Variants in SLC17A1 observed in about 807,000 individuals in gnomAD.
SLC17A1 encodes the protein sodium-dependent phosphate transport protein 1.
A neutral mutation model predicts 53.5 loss-of-function variants in SLC17A1; 51 were observed. The observed-to-expected ratio is 0.95, with a 90% CI of 0.76 to 1.20. The LOEUF (loss-of-function observed/expected upper bound fraction) is 1.20. SLC17A1 is among the 50% of genes most tolerant of loss of function. The pLI is 0.00. For synonymous variants in SLC17A1, 179 were observed against 198.8 expected (o/e 0.90, Z 0.84); for missense variants, 538 against 568.2 (o/e 0.95, Z 0.54).
chr6:25,776,727 G>T, the SLC17A1 span: 1 of 1,613,942 alleles, frequency 6.2e-7, no homozygotes, highest in South Asian at 1.1e-5. Flanking sequence ...CACTGCCATT[G>T]GTAAGGGAGA....
At chr6:25,732,434 G>T in the SLC17A1 span, 75,479 of 269,000 alleles carry the variant, frequency 0.28, 12,739 homozygotes, top group East Asian at 0.71. Context: ...ATAACTTTTA[G>T]TTTTGGGCTA....
At chr6:25,830,642 G>C (rs1764914239) in intron 1 of SLC17A1, 35 bp from the exon 2 acceptor site, 4 of 1,474,608 alleles carry the variant, frequency 2.7e-6, no homozygotes, top group Non-Finnish European at 3.8e-6. Flanking sequence ...TCAGCATAAT[G>C]TAGAGAGGCA....
chr6:25,795,808 A>T (rs997607469), intron 12 of SLC17A1, among the ~76,000 whole-genome samples: 22 of 152,208 alleles, frequency 1.4e-4, no homozygotes, highest in Non-Finnish European at 2.4e-4. Context: ...AATTAAAAGT[A>T]AAAATTATGG....
chr6:25,778,502 G>A (rs1763125151), downstream of SLC17A1, among the ~76,000 whole-genome samples: 1 of 152,086 alleles, frequency 6.6e-6, no homozygotes, highest in Non-Finnish European at 1.5e-5. Context: ...AACTGCTCTT[G>A]TTTCTCCTGT....
chr6:25,776,174 T>A, the SLC17A1 span, among the ~76,000 whole-genome samples: 3 of 152,150 alleles, frequency 2.0e-5, no homozygotes, highest in Admixed American at 2.0e-4. Flanking sequence ...TTTTTGCCAA[T>A]TTGATCCATG....
intron 3 of SLC17A1, among the ~76,000 whole-genome samples, chr6:25,820,927 A>G (rs766015332): frequency 6.6e-6 from 1 of 151,686 alleles, no homozygotes; most frequent in African/African-American, 2.4e-5. Flanking sequence ...AGAATGATAA[A>G]AGAAAATCCT....
At chr6:25,824,322 A>C (rs1378696437) in intron 3 of SLC17A1, among the ~76,000 whole-genome samples, 1 of 151,964 alleles carries the variant, frequency 6.6e-6, no homozygotes, top group Non-Finnish European at 1.5e-5. Flanking sequence ...TGCCATTATC[A>C]TGTGTATGCT....
In SLC17A1 at chr6:25,808,506, AT is replaced by A. The variant is rs369286202; in HGVS notation, c.1178+2891del. On this transcript the variant is annotated intron_variant, in intron 10 of 12. Coordinates refer to ENST00000244527, the MANE Select transcript of SLC17A1 (RefSeq NM_005074.5). ...TCCAAAAGCTATTGAAAAAAGAAGA[AT>A]TTTTTTTAAAAAAATTCAGAGTTAA... Among the ~76,000 whole-genome samples, 137 of 151,968 alleles carry A rather than the reference AT, an allele frequency of 9.0e-4. 1 individual carries two copies. The highest frequency in any genetic ancestry group is 7.9e-3 in the South Asian group (38 of 4,818).
the SLC17A1 span, among the ~76,000 whole-genome samples, chr6:25,775,016 A>T: frequency 4.6e-5 from 7 of 152,204 alleles, no homozygotes; most frequent in Non-Finnish European, 7.3e-5. Context: ...ACAAGGTTCA[A>T]CATTTTAAAA....
downstream of SLC17A1, among the ~76,000 whole-genome samples, chr6:25,781,712 GT>G (rs57097916): frequency 6.6e-6 from 1 of 152,028 alleles, no homozygotes; most frequent in African/African-American, 2.4e-5. Flanking sequence ...GAGGTGCCAG[GT>G]TTTTTTAAAA....
chr6:25,752,674 C>T, the SLC17A1 span, among the ~76,000 whole-genome samples: 8 of 152,186 alleles, frequency 5.3e-5, no homozygotes, highest in South Asian at 6.2e-4. Flanking sequence ...TTCTTTAGGC[C>T]GGGTGCGGTG....
the SLC17A1 span, among the ~76,000 whole-genome samples, chr6:25,737,609 G>T: frequency 6.6e-6 from 1 of 151,976 alleles, no homozygotes; most frequent in Non-Finnish European, 1.5e-5. Context: ...AACCCATTGG[G>T]TGGTTACAAC....
chr6:25,727,329 C>A, the SLC17A1 span: 25 of 1,531,364 alleles, frequency 1.6e-5, no homozygotes, highest in Non-Finnish European at 2.2e-5. Flanking sequence ...CCCAAAGGCT[C>A]TTTTCAGAGC....
the SLC17A1 span, chr6:25,771,088 C>T: frequency 1.9e-5 from 22 of 1,177,002 alleles, no homozygotes; most frequent in Non-Finnish European, 5.1e-6. Flanking sequence ...TTAACCAAAT[C>T]CTAATAGATA....
the SLC17A1 span, among the ~76,000 whole-genome samples, chr6:25,757,608 T>A: frequency 2.0e-5 from 3 of 152,102 alleles, no homozygotes; most frequent in Non-Finnish European, 4.4e-5. Flanking sequence ...ATTTGGTTGG[T>A]TTCTTGATCC....
chr6:25,804,079 C>A (rs1344769990), intron 10 of SLC17A1, among the ~76,000 whole-genome samples: 2 of 152,032 alleles, frequency 1.3e-5, no homozygotes, highest in African/African-American at 4.8e-5. Context: ...TGATTAATAT[C>A]ATTAATGATT....
At chr6:25,819,658 T>C (rs1219784413) in intron 4 of SLC17A1, 24 bp downstream of exon 4, 1 of 1,612,534 alleles carries the variant, frequency 6.2e-7, no homozygotes, top group African/African-American at 1.3e-5. Flanking sequence ...TAAACTCTGT[T>C]CAGTTTTAGC....
chr6:25,732,018 A>G, the SLC17A1 span: 3 of 1,521,546 alleles, frequency 2.0e-6, no homozygotes, highest in South Asian at 2.3e-5. Context: ...GTCCGCGTGG[A>G]CCTGCTTCAG....
chr6:25,727,283 C>G, the SLC17A1 span: 1 of 1,600,600 alleles, frequency 6.2e-7, no homozygotes, highest in South Asian at 1.1e-5. Context: ...AGTACACCAG[C>G]TCCAAGTAAG....
Sources: gnomAD v4.1 joint callset for allele counts (sites outside exome capture counted in the v4.1 genomes callset) on GRCh38, gnomAD v4.1.1 for gene constraint, MANE v1.5 for transcripts, NCBI Gene and HGNC (gene_info 2026-07-23, HGNC 2026-07-21) for gene names.